PRKN: variants seen among roughly 807,000 people sequenced by gnomAD.
The protein encoded by PRKN is E3 ubiquitin-protein ligase parkin.
A neutral mutation model predicts 59.5 loss-of-function variants in PRKN; 56 were observed. That is an observed-to-expected ratio of 0.94 (90% confidence interval 0.76 to 1.18). The LOEUF is 1.18. PRKN is among the 50% of genes most tolerant of loss of function. The probability of loss-of-function intolerance (pLI) is 0.00; values close to 1 mark genes in which losing one functional copy is unlikely to be tolerated. For synonymous variants in PRKN, 250 were observed against 222.1 expected (o/e 1.13, Z -1.12); for missense variants, 657 against 596.4 (o/e 1.10, Z -1.06).
intron 7 of PRKN, among the ~76,000 whole-genome samples, chr6:161,755,714 G>A (rs1788888204): frequency 6.6e-6 from 1 of 152,136 alleles, no homozygotes; most frequent in South Asian, 2.1e-4. Flanking sequence ...TCAACGTGAA[G>A]ACACTGGAAG....
chr6:162,135,203 C>T (rs1781519165), intron 4 of PRKN, among the ~76,000 whole-genome samples: 1 of 152,120 alleles, frequency 6.6e-6, no homozygotes. Flanking sequence ...GTGGCCTGAT[C>T]ATAGCTCACT....
At position 162,065,016 on chromosome 6, in the gene PRKN, G is replaced by T. The variant is rs1207119644; in HGVS notation, c.535-10842C>A. On this transcript the variant is annotated intron_variant, in intron 4 of 11. Transcript: ENST00000366898. ...AGTGGTAAAGAATCTGGCAGAATAT[G>T]GTTGAATCAAATTGTATTAGGGTTC... is the stretch of plus-strand genomic sequence containing the variant. 2.0e-5 allele frequency among the ~76,000 whole-genome samples: 3 copies of T among 152,186 alleles called. No homozygotes were observed. The East Asian group carries it at 5.8e-4, about 29-fold the overall frequency.
intron 2 of PRKN, among the ~76,000 whole-genome samples, chr6:162,326,709 AGCTACAGT>A (rs1376852212): frequency 1.3e-5 from 2 of 152,196 alleles, no homozygotes; most frequent in Non-Finnish European, 2.9e-5. Flanking sequence ...GAATTGAAAA[AGCTACAGT>A]GCCACATATC....
At chr6:162,526,151 T>G (rs1778273258) in intron 1 of PRKN, among the ~76,000 whole-genome samples, 1 of 152,072 alleles carries the variant, frequency 6.6e-6, no homozygotes, top group Admixed American at 6.6e-5. Flanking sequence ...CCTTTTAATT[T>G]ATTTTAACAT....
chr6:162,268,991 A>G lies in PRKN; in HGVS notation c.172-6226T>C, dbSNP rs1237175560. ...AGATTAGTCCAGTGTGATTTTAAAG[A>G]GGAAACAAAACAAAACAAACAAAAA... On this transcript the variant is annotated intron_variant, in intron 2 of 11. Coordinates refer to ENST00000366898, the MANE Select transcript of PRKN (RefSeq NM_004562.3). 2.3e-5 allele frequency among the ~76,000 whole-genome samples: 3 copies of G among 130,910 alleles called. No individual in the cohort carries two copies. In the East Asian group the frequency reaches 6.4e-4, roughly 28 times the overall value. 85.9% of individuals were successfully genotyped at this position (130,910 alleles called of 152,430 possible).
chr6:161,648,561 T>C (rs1454317154), intron 7 of PRKN, among the ~76,000 whole-genome samples: 2 of 152,226 alleles, frequency 1.3e-5, no homozygotes, highest in African/African-American at 4.8e-5. Flanking sequence ...AACAGTATTA[T>C]TCTGTCTTCA....
intron 4 of PRKN, among the ~76,000 whole-genome samples, chr6:162,187,767 C>G (rs571757843): frequency 1.8e-4 from 28 of 152,256 alleles, no homozygotes; most frequent in African/African-American, 6.5e-4. Flanking sequence ...AAAATGCTAT[C>G]TGCCAGGAGG....
rs148142142 is a variant in PRKN at position 161,584,983 on chromosome 6, A to G, written c.872-15567T>C. ...AATGAATGTCAACAATGGCTTCTCC[A>G]TTTGTATGAAGCCCAATTTGTATTT... On this transcript the variant is annotated intron_variant, in intron 7 of 11. Coordinates refer to ENST00000366898, the MANE Select transcript of PRKN (RefSeq NM_004562.3). This position sits in a 1 kb window ranked among gnomAD's most constrained non-coding sequence, Gnocchi z 4.8. Among the ~76,000 whole-genome samples, 222 of 152,338 alleles carry G rather than the reference A, an allele frequency of 1.5e-3. 5 individuals carry two copies. The East Asian group carries it at 0.04, about 27-fold the overall frequency.
chr6:161,753,671 C>T (rs569775013), intron 7 of PRKN, among the ~76,000 whole-genome samples: 9 of 152,238 alleles, frequency 5.9e-5, no homozygotes, highest in Admixed American at 4.6e-4. Context: ...ACTCAAGAGC[C>T]AACCCCGAGT....
At chr6:161,384,279 C>T (rs1019201615) in intron 10 of PRKN, among the ~76,000 whole-genome samples, 1 of 152,154 alleles carries the variant, frequency 6.6e-6, no homozygotes, top group Non-Finnish European at 1.5e-5. Flanking sequence ...TCTCATGGGG[C>T]GCAGTGGCTC....
intron 7 of PRKN, among the ~76,000 whole-genome samples, chr6:161,756,424 A>G (rs1323447139): frequency 7.1e-6 from 1 of 140,376 alleles, no homozygotes; most frequent in Non-Finnish European, 1.5e-5. Flanking sequence ...CCAGGGTGAC[A>G]GAGTGAAACC....
intron 3 of PRKN, among the ~76,000 whole-genome samples, chr6:162,260,569 C>T (rs1779846762): frequency 6.6e-6 from 1 of 151,916 alleles, no homozygotes; most frequent in Admixed American, 6.6e-5. Context: ...GTCAATAATT[C>T]TAAGTTCATT....
At chr6:162,200,041 C>A (rs1784656271) in intron 4 of PRKN, among the ~76,000 whole-genome samples, 1 of 152,092 alleles carries the variant, frequency 6.6e-6, no homozygotes, top group African/African-American at 2.4e-5. Context: ...GACACATCAC[C>A]CTGGTTTATA....
chr6:161,641,913 C>A (rs1471725742), intron 7 of PRKN, among the ~76,000 whole-genome samples: 1 of 152,164 alleles, frequency 6.6e-6, no homozygotes, highest in Non-Finnish European at 1.5e-5. Flanking sequence ...AAGCTCATTA[C>A]CAAACATTTC....
chr6:162,015,240 TCA>T (rs1267714440), intron 5 of PRKN, among the ~76,000 whole-genome samples: 1 of 152,166 alleles, frequency 6.6e-6, no homozygotes, highest in Non-Finnish European at 1.5e-5. Context: ...GAAAAGGAAC[TCA>T]CACAAGTACA....
At chr6:161,947,160 T>C (rs1779813317) in intron 6 of PRKN, among the ~76,000 whole-genome samples, 1 of 152,230 alleles carries the variant, frequency 6.6e-6, no homozygotes, top group Admixed American at 6.5e-5. Context: ...GCTATATATA[T>C]ATGCATGTAC....
intron 7 of PRKN, among the ~76,000 whole-genome samples, chr6:161,762,088 G>T (rs1267373992): frequency 6.6e-6 from 1 of 152,142 alleles, no homozygotes; most frequent in Admixed American, 6.5e-5. Flanking sequence ...AAAACAACAG[G>T]CACACATGAA....
In PRKN at chr6:161,487,002, A is replaced by G. The variant is rs1381231604; in HGVS notation, c.1083+61852T>C. ...CAGTGTCTGAGTAAGAGTTTAGGGG[A>G]GGTGTAGCTCGTCTTCATGGAGGTT... On this transcript the variant is annotated intron_variant, in intron 9 of 11. Coordinates refer to ENST00000366898, the MANE Select transcript of PRKN (RefSeq NM_004562.3). This position sits in a 1 kb window ranked among gnomAD's most constrained non-coding sequence, Gnocchi z 5.3. 6.6e-6 allele frequency among the ~76,000 whole-genome samples: 1 copy of G among 152,064 alleles called. No individual in the cohort carries two copies. The highest frequency in any genetic ancestry group is 6.5e-5 in the Admixed American group (1 of 15,272).
At chr6:162,277,045 A>G (rs1274077516) in intron 2 of PRKN, among the ~76,000 whole-genome samples, 3 of 152,224 alleles carry the variant, frequency 2.0e-5, no homozygotes, top group South Asian at 2.1e-4. Flanking sequence ...AGTAAGAAAG[A>G]GTTCTTCCAT....
Sources: allele counts gnomAD v4.1 joint callset (sites outside exome capture counted in the v4.1 genomes callset), GRCh38; gene constraint gnomAD v4.1.1; non-coding constraint Gnocchi (gnomAD v3.1); transcripts MANE v1.5; gene names NCBI Gene and HGNC (gene_info 2026-07-23, HGNC 2026-07-21).